Variants in TMEM41B observed in about 807,000 individuals in gnomAD.
TMEM41B encodes transmembrane protein 41B, also known as protein stasimon.
Under a neutral mutation model 31.9 loss-of-function variants are expected in TMEM41B, and 18 were observed. That is an observed-to-expected ratio of 0.56 (90% confidence interval 0.39 to 0.84). The LOEUF is 0.84. Ranked by LOEUF, TMEM41B falls within the 40% of genes least tolerant of loss-of-function variation. TMEM41B has a pLI of 0.00. For missense variants in TMEM41B, 322 were observed against 348.0 expected, an observed-to-expected ratio of 0.93 and a Z score of 0.59; for synonymous variants, 144 against 124.3, an observed-to-expected ratio of 1.16 and a Z score of -1.05.
At chr11:9,294,582 A>C (rs1347302266) in intron 3 of TMEM41B, among the ~76,000 whole-genome samples, 1 of 152,158 alleles carries the variant, frequency 6.6e-6, no homozygotes, top group Non-Finnish European at 1.5e-5. Context: ...AAGATCTGGA[A>C]AACAGTTTGG....
In TMEM41B at chr11:9,283,395, C is replaced by T; in HGVS notation, c.*29G>A. On this transcript the variant is annotated 3_prime_UTR_variant, in exon 7 of 7. Coordinates refer to ENST00000528080, the MANE Select transcript of TMEM41B (RefSeq NM_015012.4). ...CCTGTTAATCCTGAGATGGTGATGA[C>T]AGCAAAACTAAAAATCAGATGATTA... 6.3e-7 allele frequency: 1 copy of T among 1,575,790 alleles called. No individual in the cohort carries two copies. The highest frequency in any genetic ancestry group is 8.6e-7 in the Non-Finnish European group (1 of 1,156,842).
Position 9,283,384 on chromosome 11 carries a change from G to C in TMEM41B, c.*40C>G. ...AAATGGATGCACCTGTTAATCCTGA[G>C]ATGGTGATGACAGCAAAACTAAAAA... On this transcript the variant is annotated 3_prime_UTR_variant, in exon 7 of 7. Coordinates refer to ENST00000528080, the MANE Select transcript of TMEM41B (RefSeq NM_015012.4). The C allele has an allele frequency of 6.6e-7, 1 of 1,506,900 alleles. No individual in the cohort carries two copies. The highest frequency in any genetic ancestry group is 2.3e-5 in the East Asian group (1 of 42,898). 93.3% of individuals were successfully genotyped at this position (1,506,900 alleles called of 1,614,324 possible).
intron 1 of TMEM41B, among the ~76,000 whole-genome samples, chr11:9,303,866 CA>C (rs1305961548): frequency 7.9e-5 from 12 of 152,092 alleles, no homozygotes; most frequent in Admixed American, 5.2e-4. Flanking sequence ...CGGAGTTTCA[CA>C]TTGTTGGCCA....
chr11:9,296,397 G>A (rs1590378844), intron 2 of TMEM41B, among the ~76,000 whole-genome samples: 2 of 151,658 alleles, frequency 1.3e-5, no homozygotes, highest in Non-Finnish European at 2.9e-5. Context: ...AAGCCGAGGC[G>A]GGTGGATCGC....
intron 1 of TMEM41B, among the ~76,000 whole-genome samples, chr11:9,305,605 T>C (rs970758064): frequency 2.0e-5 from 3 of 151,934 alleles, no homozygotes; most frequent in African/African-American, 4.8e-5. Context: ...AGATGAATTA[T>C]AGATATTAAA....
chr11:9,290,250 A>G (rs10770009), intron 3 of TMEM41B, among the ~76,000 whole-genome samples: 60,773 of 151,856 alleles, frequency 0.4, 12,915 homozygotes, highest in East Asian at 0.49. Context: ...GGTGGTGGGC[A>G]CCTGTAGTCC....
intron 1 of TMEM41B, among the ~76,000 whole-genome samples, chr11:9,309,950 A>T (rs1250829120): frequency 3.3e-5 from 5 of 151,758 alleles, no homozygotes; most frequent in African/African-American, 9.7e-5. Context: ...AACAAAAAAA[A>T]ATATTGTTTT....
intron 1 of TMEM41B, among the ~76,000 whole-genome samples, chr11:9,309,062 A>AG (rs1853468061): frequency 6.6e-6 from 1 of 152,182 alleles, no homozygotes; most frequent in Non-Finnish European, 1.5e-5. Flanking sequence ...AGCCTGGCCA[A>AG]CACAGAGATA....
chr11:9,288,114 G>T, intron 4 of TMEM41B: 1 of 209,028 alleles, frequency 4.8e-6, no homozygotes, highest in East Asian at 1.5e-4. Context: ...CCCTACCCCC[G>T]ACCCCCCCAG....
At chr11:9,296,603 C>CAAAAAAA in intron 2 of TMEM41B, among the ~76,000 whole-genome samples, 1 of 118,874 alleles carries the variant, frequency 8.4e-6, no homozygotes, top group Non-Finnish European at 1.7e-5. Flanking sequence ...GACTCCGTCT[C>CAAAAAAA]AAAAAAAAAA....
In TMEM41B at chr11:9,296,603, C is replaced by CAA. The variant is rs1164835040; in HGVS notation, c.240-1218_240-1217dup. 9.6e-3 allele frequency among the ~76,000 whole-genome samples: 1,137 copies of CAA among 118,736 alleles called. 37 individuals carry two copies. Among genetic ancestry groups the CAA allele is most frequent in the African/African-American group, 0.037 (1,035 of 27,680 alleles). 77.9% of individuals were successfully genotyped at this position (118,736 alleles called of 152,430 possible). A position where few individuals can be genotyped will look rare whatever the true frequency, so the allele number is the denominator to read the frequency against. On this transcript the variant is annotated intron_variant, in intron 2 of 6. Transcript: ENST00000528080. ...AGCCTGGGCAACAGAGACTCCGTCT[C>CAA]AAAAAAAAAAAAAAAAAAAAGAAAG...
chr11:9,300,311 TATC>T (rs1327490641), intron 1 of TMEM41B, among the ~76,000 whole-genome samples: 1 of 152,140 alleles, frequency 6.6e-6, no homozygotes, highest in Non-Finnish European at 1.5e-5. Context: ...CTCTAAATTT[TATC>T]ATACTGTCAA....
chr11:9,286,455 C>G lies in TMEM41B; in HGVS notation c.706G>C (p.Gly236Arg), dbSNP rs755671004. Residue 236 changes from glycine to arginine, a missense_variant and splice_region_variant, in exon 6 of 7, where the codon GGT becomes CGT. By Grantham distance (125) the Gly-to-Arg change is moderately radical. Transcript: ENST00000528080. ...LKVFFIGTFL[G>R]VAPPSFVAIK... is the part of the protein sequence containing the mutation. Reference sequence around the variant, plus strand: ...ACACAGCAAGAACCAGAGGGCTTACCTAGAAAAGTACCAATAAAAAAAACT... The same window carrying G: ...ACACAGCAAGAACCAGAGGGCTTACGTAGAAAAGTACCAATAAAAAAAACT... The G allele has an allele frequency of 1.2e-6, 2 of 1,609,068 alleles. No individual in the cohort carries two copies. The highest frequency in any genetic ancestry group is 4.5e-5 in the East Asian group (2 of 44,842).
chr11:9,295,941 C>A (rs1034695810), intron 2 of TMEM41B, among the ~76,000 whole-genome samples: 2 of 152,020 alleles, frequency 1.3e-5, no homozygotes, highest in African/African-American at 4.8e-5. Flanking sequence ...AGTGCAACCT[C>A]CACCTCCTGG....
intron 2 of TMEM41B, among the ~76,000 whole-genome samples, chr11:9,295,733 C>T (rs1853069993): frequency 1.3e-5 from 2 of 152,116 alleles, no homozygotes; most frequent in Admixed American, 6.6e-5. Flanking sequence ...GGGAGTTTCA[C>T]CATGTTGCCA....
At chr11:9,308,186 T>C (rs1853448031) in intron 1 of TMEM41B, among the ~76,000 whole-genome samples, 2 of 152,032 alleles carry the variant, frequency 1.3e-5, no homozygotes, top group Admixed American at 1.3e-4. Flanking sequence ...CTACTAAAAA[T>C]ACAAAAATTA....
intron 6 of TMEM41B, among the ~76,000 whole-genome samples, chr11:9,284,804 A>G (rs1309858622): frequency 6.6e-6 from 1 of 151,926 alleles, no homozygotes; most frequent in Non-Finnish European, 1.5e-5. Flanking sequence ...CTGTTCTAGC[A>G]ATTTCAAGGT....
chr11:9,281,834 T>C lies in TMEM41B; in HGVS notation c.*1590A>G, dbSNP rs1426930587. 1 of 152,160 alleles carries C rather than the reference T, an allele frequency of 6.6e-6. No individual in the cohort carries two copies. The highest frequency in any genetic ancestry group is 1.9e-4 in the East Asian group (1 of 5,204). The allele number at this position is 152,160 out of a possible 1,614,324, so 9.4% of individuals were successfully genotyped here. On this transcript the variant is annotated 3_prime_UTR_variant, in exon 7 of 7. Transcript: ENST00000528080. ...AGCCATCAATAGAAACAAAAGGCAT[T>C]TTTCTAGGTGTATCATGCATAAAAA...
chr11:9,311,689 T>G, intron 1 of TMEM41B: 1 of 773,058 alleles, frequency 1.3e-6, no homozygotes, highest in Admixed American at 1.8e-5. Context: ...GGATTCCACA[T>G]GTTTAGGTGT....
Sources: allele counts gnomAD v4.1 joint callset (sites outside exome capture counted in the v4.1 genomes callset), GRCh38; gene constraint gnomAD v4.1.1; transcripts MANE v1.5; gene names NCBI Gene and HGNC (gene_info 2026-07-23, HGNC 2026-07-21).